Variants in NCS1 observed in about 807,000 individuals in gnomAD.
NCS1 encodes the protein neuronal calcium sensor 1, also known as frequenin homolog.
NCS1 carries 6 observed loss-of-function variants against 28.4 expected under a neutral mutation model. The observed-to-expected ratio is 0.21, with a 90% CI of 0.12 to 0.42. The LOEUF is 0.42. Among genes scored for constraint, NCS1 ranks in the 10% least tolerant of loss-of-function variants. The pLI, the probability that NCS1 is intolerant of heterozygous loss-of-function variation, is 1.00. For missense variants in NCS1, 131 were observed against 241.4 expected (o/e 0.54, Z 3.03); for synonymous variants, 86 against 99.3 (o/e 0.87, Z 0.79).
At chr9:130,183,252 T>C (rs1832689065) in intron 1 of NCS1, among the ~76,000 whole-genome samples, 1 of 152,158 alleles carries the variant, frequency 6.6e-6, no homozygotes, top group South Asian at 2.1e-4. Flanking sequence ...TGTTCCACTC[T>C]CTGTGAGATG....
intron 3 of NCS1, among the ~76,000 whole-genome samples, chr9:130,218,736 C>T (rs533866971): frequency 6.6e-6 from 1 of 152,136 alleles, no homozygotes; most frequent in South Asian, 2.1e-4. Flanking sequence ...GGATTACAGG[C>T]GCCGTCACCA....
chr9:130,215,519 G>A lies in NCS1; in HGVS notation c.90-2313G>A, dbSNP rs995060797. ...CATCACATGCACGGGAGGGACGGAT[G>A]CTGGGGTCGCACACTGGCCGGCAGG... On this transcript the variant is annotated intron_variant, in intron 2 of 7. Transcript: ENST00000372398. The surrounding 1 kb of genome is among the most constrained non-coding windows in gnomAD (Gnocchi z 4.2). Among the ~76,000 whole-genome samples the A allele has an allele frequency of 3.1e-4, 47 of 152,226 alleles. No homozygotes were observed. Among genetic ancestry groups the A allele is most frequent in the African/African-American group, 1.1e-3 (46 of 41,462 alleles).
At chr9:130,172,953 C>T (rs1832506980) in intron 1 of NCS1, among the ~76,000 whole-genome samples, 1 of 151,870 alleles carries the variant, frequency 6.6e-6, no homozygotes, top group East Asian at 2.0e-4. Flanking sequence ...GCGCGCCGGT[C>T]GGCGTGCGCG....
chr9:130,187,300 C>T (rs1832750800), intron 1 of NCS1, among the ~76,000 whole-genome samples: 1 of 152,174 alleles, frequency 6.6e-6, no homozygotes, highest in African/African-American at 2.4e-5. Flanking sequence ...CGCTGCCATC[C>T]CTGGGTCCTC....
intron 1 of NCS1, among the ~76,000 whole-genome samples, chr9:130,195,887 T>C (rs1387286921): frequency 6.6e-6 from 1 of 152,214 alleles, no homozygotes; most frequent in African/African-American, 2.4e-5. Flanking sequence ...GTGCAAGGAC[T>C]GCCTGCGTTC....
At position 130,234,765 on chromosome 9, in the gene NCS1, G is replaced by C. The variant is rs1402863427; in HGVS notation, c.*1793G>C. On this transcript the variant is annotated 3_prime_UTR_variant, in exon 8 of 8. Transcript: ENST00000372398. The surrounding 1 kb of genome is among the most constrained non-coding windows in gnomAD (Gnocchi z 6.1). ...CTTGTCCCTTCCCGCAGCATTTCCT[G>C]GTTCCCCCCAGACCCTTGAGCGCTC... The C allele has an allele frequency of 6.6e-6, 1 of 152,302 alleles. No homozygotes were observed. The highest frequency in any genetic ancestry group is 1.5e-5 in the Non-Finnish European group (1 of 68,132). The allele number at this position is 152,302 out of a possible 1,614,324, so 9.4% of individuals were successfully genotyped here. A position where few individuals can be genotyped will look rare whatever the true frequency, so the allele number is the denominator to read the frequency against.
At position 130,217,877 on chromosome 9, in the gene NCS1, G is replaced by A. The variant is rs143750486; in HGVS notation, c.135G>A (p.Ala45=). 26 of 1,613,996 alleles carry A rather than the reference G, an allele frequency of 1.6e-5. No homozygotes were observed. Among genetic ancestry groups the A allele is most frequent in the African/African-American group, 8.0e-5 (6 of 74,872 alleles). ...ACTGCCCCAGTGGGCAGCTGGATGC[G>A]GCAGGCTTCCAGAAGATCTACAAGC... ...IKDCPSGQLD[A]AGFQKIYKQF... The change falls in exon 3 of 8, where the codon GCG becomes GCA. Residue 45 remains alanine, a synonymous_variant. Transcript: ENST00000372398.
intron 1 of NCS1, among the ~76,000 whole-genome samples, chr9:130,195,901 C>T (rs1832872463): frequency 6.6e-6 from 1 of 152,220 alleles, no homozygotes; most frequent in African/African-American, 2.4e-5. Flanking sequence ...TGCGTTCCTA[C>T]CCTGCCCTGA....
chr9:130,222,352 C>T (rs1554910685), intron 4 of NCS1, among the ~76,000 whole-genome samples: 1 of 151,712 alleles, frequency 6.6e-6, no homozygotes, highest in Non-Finnish European at 1.5e-5. Flanking sequence ...GGGGTTTTGC[C>T]ATGTTGTCCA....
intron 1 of NCS1, among the ~76,000 whole-genome samples, chr9:130,189,719 A>G (rs1341663594): frequency 2.6e-5 from 4 of 151,280 alleles, no homozygotes; most frequent in Non-Finnish European, 4.4e-5. Context: ...GCGCGTGCCT[A>G]TAATCCCAGC....
At chr9:130,184,101 C>T (rs376571303) in intron 1 of NCS1, among the ~76,000 whole-genome samples, 4 of 152,134 alleles carry the variant, frequency 2.6e-5, no homozygotes, top group Non-Finnish European at 4.4e-5. Context: ...TGAGCCACCG[C>T]GCCCGGCGTC....
Position 130,186,305 on chromosome 9 carries a change from G to C in NCS1, c.64+13578G>C, listed in dbSNP as rs935493700. Among the ~76,000 whole-genome samples, 7 of 152,198 alleles carry C rather than the reference G, an allele frequency of 4.6e-5. No homozygotes were observed. Among genetic ancestry groups the C allele is most frequent in the African/African-American group, 1.7e-4 (7 of 41,452 alleles). On this transcript the variant is annotated intron_variant, in intron 1 of 7. Transcript: ENST00000372398. This position sits in a 1 kb window ranked among gnomAD's most constrained non-coding sequence, Gnocchi z 4.1. Reference sequence around the variant, plus strand: ...CGTCAAGACAGGGCTTTGCACAATGGACTGGGAATCTCCCTGGTCTGGGGT... The same window carrying C: ...CGTCAAGACAGGGCTTTGCACAATGCACTGGGAATCTCCCTGGTCTGGGGT...
At chr9:130,231,993 C>T (rs1325808167) in intron 7 of NCS1, among the ~76,000 whole-genome samples, 2 of 152,076 alleles carry the variant, frequency 1.3e-5, no homozygotes, top group African/African-American at 4.8e-5. Flanking sequence ...GTCTCCCAGG[C>T]TGGAGTGCAG....
At chr9:130,190,633 G>A (rs1266758864) in intron 1 of NCS1, among the ~76,000 whole-genome samples, 9 of 152,314 alleles carry the variant, frequency 5.9e-5, no homozygotes, top group Admixed American at 2.0e-4. Flanking sequence ...TTGTTGGGGC[G>A]TCAGAGATGC....
intron 2 of NCS1, among the ~76,000 whole-genome samples, chr9:130,217,305 C>T (rs1471972102): frequency 6.6e-6 from 1 of 152,214 alleles, no homozygotes; most frequent in African/African-American, 2.4e-5. Context: ...ATGCTGTTTA[C>T]CCAGTTCCCT....
At chr9:130,222,953 G>T in intron 5 of NCS1, 129 bp from the exon 6 acceptor site, 1 of 834,044 alleles carries the variant, frequency 1.2e-6, no homozygotes, top group Non-Finnish European at 2.0e-6. Context: ...ACAATGGCAG[G>T]GATGGGGAGG....
At chr9:130,220,739 CTTTTTCTTTCTTTCTTTTTT>C (rs1275584531) in intron 4 of NCS1, among the ~76,000 whole-genome samples, 1 of 150,988 alleles carries the variant, frequency 6.6e-6, no homozygotes, top group Non-Finnish European at 1.5e-5. Context: ...GTTTCTTTTT[CTTTTTCTTTCTTTCTTTTTT>C]TTTTTTTTAA....
At chr9:130,173,308 C>T (rs1832516449) in intron 1 of NCS1, among the ~76,000 whole-genome samples, 1 of 152,118 alleles carries the variant, frequency 6.6e-6, no homozygotes, top group Admixed American at 6.5e-5. Context: ...TTCTCCCTGG[C>T]CCCATCTCTG....
chr9:130,209,902 G>T lies in NCS1; in HGVS notation c.90-7930G>T, dbSNP rs1421447267. 6.6e-6 allele frequency among the ~76,000 whole-genome samples: 1 copy of T among 152,002 alleles called. No individual in the cohort carries two copies. The highest frequency in any genetic ancestry group is 1.5e-5 in the Non-Finnish European group (1 of 68,004). On this transcript the variant is annotated intron_variant, in intron 2 of 7. Transcript: ENST00000372398. The surrounding 1 kb of genome is among the most constrained non-coding windows in gnomAD (Gnocchi z 4.4). ...CGCAGGCCCCGTTCTTCACAGCCTG[G>T]GCCTGCCTCTGAGGTCTGGCACCAT...
Sources: gnomAD v4.1 joint callset for allele counts (sites outside exome capture counted in the v4.1 genomes callset) on GRCh38, gnomAD v4.1.1 for gene constraint, Gnocchi (gnomAD v3.1) non-coding constraint, MANE v1.5 for transcripts, NCBI Gene and HGNC (gene_info 2026-07-23, HGNC 2026-07-21) for gene names.